ADGRB3: variants seen among roughly 807,000 people sequenced by gnomAD.
ADGRB3 encodes brain-specific angiogenesis inhibitor 3.
A neutral mutation model predicts 193.4 loss-of-function variants in ADGRB3; 37 were observed. The observed-to-expected ratio is 0.19, with a 90% CI of 0.15 to 0.25. The LOEUF (loss-of-function observed/expected upper bound fraction) is 0.25, where lower values mean the gene tolerates loss of function less well. Among genes scored for constraint, ADGRB3 ranks in the 10% least tolerant of loss-of-function variants. The probability of loss-of-function intolerance (pLI) is 1.00; values close to 1 mark genes in which losing one functional copy is unlikely to be tolerated. For missense variants in ADGRB3, 1,637 were observed against 1,852.9 expected (o/e 0.88, Z 2.14); for synonymous variants, 690 against 644.2 (o/e 1.07, Z -1.08).
intron 3 of ADGRB3, among the ~76,000 whole-genome samples, chr6:68,801,951 A>G (rs1360228844): frequency 1.3e-5 from 2 of 152,192 alleles, no homozygotes; most frequent in African/African-American, 4.8e-5. Context: ...GAGGAGATTG[A>G]AAGCACATAA....
chr6:68,783,362 A>G (rs1460213530), intron 3 of ADGRB3, among the ~76,000 whole-genome samples: 2 of 148,122 alleles, frequency 1.4e-5, no homozygotes, highest in East Asian at 2.0e-4. Context: ...TCTAAAACTT[A>G]CATGTATATA....
rs1765047689 is a variant in ADGRB3, at chr6:68,690,102, C to G, written c.757+50670C>G. 2.0e-5 allele frequency among the ~76,000 whole-genome samples: 3 copies of G among 152,132 alleles called. No individual in the cohort carries two copies. In the South Asian group the frequency reaches 6.2e-4, roughly 31 times the overall value. On this transcript the variant is annotated intron_variant, in intron 3 of 31. Coordinates refer to ENST00000370598, the MANE Select transcript of ADGRB3 (RefSeq NM_001704.3). The stretch of plus-strand genomic sequence containing the variant: ...CTGGATTGAAGCTGTGATGCAAACT[C>G]TCACTCAGGCAGTGAGCAAGTAGGG...
Position 69,365,135 on chromosome 6 carries a change from T to C in ADGRB3, c.4239+3623T>C, listed in dbSNP as rs534457832. Among the ~76,000 whole-genome samples, 9 of 152,204 alleles carry C rather than the reference T, an allele frequency of 5.9e-5. No homozygotes were observed. The East Asian group carries it at 1.7e-3, about 29-fold the overall frequency. ...CTTATGTGCACATCTTGGACATGTT[T>C]AGCACATGGTCCATTCTTCACTCTT... is the stretch of plus-strand genomic sequence containing the variant. On this transcript the variant is annotated intron_variant, in intron 29 of 31. Transcript: ENST00000370598.
At chr6:69,152,009 G>A (rs568283310) in intron 17 of ADGRB3, among the ~76,000 whole-genome samples, 7 of 152,132 alleles carry the variant, frequency 4.6e-5, no homozygotes, top group Non-Finnish European at 7.4e-5. Context: ...GGCCATATTT[G>A]CTTCCCCTTC....
chr6:69,082,063 C>A (rs1383640260), intron 17 of ADGRB3, among the ~76,000 whole-genome samples: 1 of 152,056 alleles, frequency 6.6e-6, no homozygotes, highest in African/African-American at 2.4e-5. Context: ...CAGACACAGT[C>A]ATTCTTATTT....
At chr6:68,751,653 T>C (rs2127347308) in intron 3 of ADGRB3, among the ~76,000 whole-genome samples, 1 of 152,092 alleles carries the variant, frequency 6.6e-6, no homozygotes, top group East Asian at 1.9e-4. Flanking sequence ...TGTAGAGAAA[T>C]AAGAAAAGCT....
At chr6:68,921,413 G>A (rs150648330) in intron 3 of ADGRB3, among the ~76,000 whole-genome samples, 62 of 152,312 alleles carry the variant, frequency 4.1e-4, no homozygotes, top group African/African-American at 1.4e-3. Context: ...GAAGAGAGAT[G>A]TTGTATGTTG....
At chr6:69,317,258 GT>G (rs1561985638) in intron 20 of ADGRB3, among the ~76,000 whole-genome samples, 2 of 151,490 alleles carry the variant, frequency 1.3e-5, no homozygotes, top group African/African-American at 4.8e-5. Context: ...GTATATGAGA[GT>G]TTTTTCCCTT....
At chr6:68,924,432 A>G (rs142093475) in intron 3 of ADGRB3, among the ~76,000 whole-genome samples, 12 of 152,206 alleles carry the variant, frequency 7.9e-5, no homozygotes, top group Middle Eastern at 3.4e-3. Context: ...AATCTATTAT[A>G]TGTAATTATT....
chr6:69,284,434 G>A (rs774829480), intron 20 of ADGRB3, among the ~76,000 whole-genome samples: 3 of 151,978 alleles, frequency 2.0e-5, no homozygotes, highest in South Asian at 2.1e-4. Context: ...CTTGACTACC[G>A]GCATTGTGAT....
chr6:69,001,155 T>C (rs549529812), intron 11 of ADGRB3, among the ~76,000 whole-genome samples: 17 of 152,306 alleles, frequency 1.1e-4, no homozygotes, highest in African/African-American at 3.8e-4. Flanking sequence ...AAAGATGTCA[T>C]GGTAGAATTA....
At chr6:69,019,679 G>C (rs1770203595) in intron 13 of ADGRB3, among the ~76,000 whole-genome samples, 1 of 151,952 alleles carries the variant, frequency 6.6e-6, no homozygotes, top group Non-Finnish European at 1.5e-5. Flanking sequence ...ATCCAGCACA[G>C]GCCTTAATCA....
chr6:69,320,029 A>T (rs1341085283), intron 20 of ADGRB3, among the ~76,000 whole-genome samples: 1 of 151,246 alleles, frequency 6.6e-6, no homozygotes, highest in Non-Finnish European at 1.5e-5. Context: ...GATTTTTCTT[A>T]GTTCAATTTT....
intron 17 of ADGRB3, among the ~76,000 whole-genome samples, chr6:69,163,401 C>T (rs1386276944): frequency 6.6e-6 from 1 of 151,942 alleles, no homozygotes; most frequent in South Asian, 2.1e-4. Flanking sequence ...CCTATATTAC[C>T]ATGGGACAAA....
At chr6:68,989,808 A>G (rs1376627456) in intron 10 of ADGRB3, among the ~76,000 whole-genome samples, 1 of 152,132 alleles carries the variant, frequency 6.6e-6, no homozygotes. Context: ...TTAATTTAAA[A>G]CTTAAAAAGT....
intron 20 of ADGRB3, among the ~76,000 whole-genome samples, chr6:69,317,690 C>G (rs2127303953): frequency 6.6e-6 from 1 of 151,588 alleles, no homozygotes; most frequent in Middle Eastern, 3.4e-3. Context: ...CTCTACCACT[C>G]TTTGTCAGTT....
At chr6:69,018,808 T>C (rs912244581) in intron 13 of ADGRB3, among the ~76,000 whole-genome samples, 10 of 151,998 alleles carry the variant, frequency 6.6e-5, no homozygotes, top group African/African-American at 2.4e-4. Context: ...TGCTCATTGC[T>C]ATCTAATCTA....
intron 17 of ADGRB3, among the ~76,000 whole-genome samples, chr6:69,113,045 A>G (rs1391451366): frequency 1.3e-5 from 2 of 152,188 alleles, no homozygotes; most frequent in African/African-American, 2.4e-5. Context: ...GGCGCGAGCC[A>G]CTATGCCCGG....
At chr6:68,993,114 A>G (rs539700962) in intron 10 of ADGRB3, among the ~76,000 whole-genome samples, 1 of 152,256 alleles carries the variant, frequency 6.6e-6, no homozygotes, top group East Asian at 1.9e-4. Flanking sequence ...CTGACCATCA[A>G]ACTAATTTAA....
Sources: gnomAD v4.1 joint callset for allele counts (sites outside exome capture counted in the v4.1 genomes callset) on GRCh38, gnomAD v4.1.1 for gene constraint, MANE v1.5 for transcripts, NCBI Gene and HGNC (gene_info 2026-07-23, HGNC 2026-07-21) for gene names.